The following OVGP1 variants were observed in gnomAD, a reference collection of about 807,000 sequenced individuals.
OVGP1 encodes the protein oviduct-specific glycoprotein.
OVGP1 carries 26 observed loss-of-function variants against 48.2 expected under a neutral mutation model. That is an observed-to-expected ratio of 0.54 (90% CI 0.40 to 0.75). OVGP1 has a LOEUF of 0.75. Ranked by LOEUF, OVGP1 falls within the 30% of genes least tolerant of loss-of-function variation. The pLI is 0.00. For missense variants in OVGP1, 791 were observed against 820.6 expected, an observed-to-expected ratio of 0.96 and a Z score of 0.44; for synonymous variants, 294 against 305.7, an observed-to-expected ratio of 0.96 and a Z score of 0.40.
chr1:111,425,233 T>C lies in OVGP1; in HGVS notation c.317+150A>G. The C allele has an allele frequency of 2.4e-6, 2 of 821,380 alleles. 1 individual carries two copies. The highest frequency in any genetic ancestry group is 3.8e-6 in the Non-Finnish European group (2 of 528,916). The allele number at this position is 821,380 out of a possible 1,614,324, so 50.9% of individuals were successfully genotyped here. The stretch of plus-strand genomic sequence containing the variant: ...CATGGAGAAGAGGCCAGGATATCCC[T>C]TGAGTGCAGGGGTCTAAGATTCATG... On this transcript the variant is annotated intron_variant, in intron 4 of 10. Transcript: ENST00000369732.
chr1:111,426,884 G>A, intron 2 of OVGP1, 178 bp downstream of exon 2: 1 of 1,547,624 alleles, frequency 6.5e-7, no homozygotes, highest in Non-Finnish European at 8.7e-7. Context: ...TCTGGACCAA[G>A]GCACACAGTC....
At chr1:111,427,662 G>A (rs967654108) in intron 1 of OVGP1, 35 bp downstream of exon 1, 1 of 1,611,410 alleles carries the variant, frequency 6.2e-7, no homozygotes, top group Non-Finnish European at 8.5e-7. Flanking sequence ...GCACTTCCTG[G>A]ACTGAGTGAC....
intron 4 of OVGP1, among the ~76,000 whole-genome samples, chr1:111,423,943 C>T (rs1652336556): frequency 6.6e-6 from 1 of 152,180 alleles, no homozygotes; most frequent in African/African-American, 2.4e-5. Context: ...ATGTACTGCC[C>T]CAAGGCCAGA....
chr1:111,427,560 T>C, intron 1 of OVGP1, 137 bp downstream of exon 1: 1 of 1,150,198 alleles, frequency 8.7e-7, no homozygotes, highest in Non-Finnish European at 1.3e-6. Context: ...GACCATTAAC[T>C]ATGGCCCATC....
At chr1:111,421,774 C>A in intron 6 of OVGP1, 101 bp from the exon 7 acceptor site, 1 of 727,804 alleles carries the variant, frequency 1.4e-6, no homozygotes, top group South Asian at 1.8e-5. Context: ...CATTGGTCAC[C>A]AGAGCTTCCC....
rs1557786003 is a variant in OVGP1 at position 111,427,689 on chromosome 1, ACACTCACCAACC to A, written c.21_25+7del. 5 of 1,613,130 alleles carry A rather than the reference ACACTCACCAACC, an allele frequency of 3.1e-6. No homozygotes were observed. Among genetic ancestry groups the A allele is most frequent in the South Asian group, 1.1e-5 (1 of 91,046 alleles). On this transcript the variant is annotated splice_donor_variant and splice_donor_5th_base_variant and coding_sequence_variant and intron_variant, in exon 1 of 11. Coordinates refer to ENST00000369732, the MANE Select transcript of OVGP1 (RefSeq NM_002557.4). LOFTEE classifies it high-confidence loss of function. ...CTGAGTGACACTGCTGGGACCTGCC[ACACTCACCAACC>A]CACAGCAACAGCTTCCACATCTCAA...
In OVGP1 at chr1:111,427,699, A is replaced by C. The variant is rs748437768; in HGVS notation, c.23T>G (p.Val8Gly). The change falls in exon 1 of 11, where the codon GTT (valine) becomes GGT (glycine). Residue 8 changes from valine to glycine, a missense_variant and splice_region_variant. Physicochemically the swap from Val to Gly is moderately radical, Grantham distance 109. Coordinates refer to ENST00000369732, the MANE Select transcript of OVGP1 (RefSeq NM_002557.4). ...CTGCTGGGACCTGCCACACTCACCA[A>C]CCCACAGCAACAGCTTCCACATCTC... MWKLLLW[V>G]GLVLVLKHHD... 6.2e-7 allele frequency: 1 copy of C among 1,612,958 alleles called. No homozygotes were observed. The highest frequency in any genetic ancestry group is 1.1e-5 in the South Asian group (1 of 91,022).
rs1557781450 is a variant in OVGP1 at position 111,415,109 on chromosome 1, A to C, written c.1392T>G (p.Thr464=). 6.2e-7 allele frequency: 1 copy of C among 1,614,070 alleles called. No individual in the cohort carries two copies. ...TKETVSLGKH[T]VALGEKTEIT... is the part of the protein sequence containing the mutation. ...TCTCAGTCTTCTCTCCTAGAGCTAC[A>C]GTGTGCTTTCCAAGGGATACAGTTT... Residue 464 remains threonine, a synonymous_variant, in exon 11 of 11, where the codon ACT becomes ACG. Coordinates refer to ENST00000369732, the MANE Select transcript of OVGP1 (RefSeq NM_002557.4).
chr1:111,427,632 TGAC>T, intron 1 of OVGP1, 62 bp downstream of exon 1: 1 of 1,581,350 alleles, frequency 6.3e-7, no homozygotes, highest in Admixed American at 1.7e-5. Context: ...ACCAGAGAGA[TGAC>T]GAACTCATAA....
intron 2 of OVGP1, 169 bp from the exon 3 acceptor site, chr1:111,426,810 C>CA (rs1557785681): frequency 6.5e-7 from 1 of 1,547,106 alleles, no homozygotes; most frequent in South Asian, 1.2e-5. Flanking sequence ...ATTCCTCCCC[C>CA]ACTGCTGAGG....
intron 6 of OVGP1, 119 bp downstream of exon 6, chr1:111,422,807 CT>C: frequency 8.5e-7 from 1 of 1,178,974 alleles, no homozygotes; most frequent in Non-Finnish European, 1.2e-6. Flanking sequence ...CAAACTTGCA[CT>C]GACGTCAGGG....
At chr1:111,425,544 G>A in intron 3 of OVGP1, 105 bp from the exon 4 acceptor site, 1 of 1,561,394 alleles carries the variant, frequency 6.4e-7, no homozygotes, top group Non-Finnish European at 8.7e-7. Flanking sequence ...GGAAACAGGA[G>A]AGATGGGAGG....
chr1:111,422,368 T>C (rs1652293166), intron 6 of OVGP1, among the ~76,000 whole-genome samples: 1 of 152,212 alleles, frequency 6.6e-6, no homozygotes, highest in Non-Finnish European at 1.5e-5. Flanking sequence ...TGCATCTGCC[T>C]CAGTTTCCTC....
Position 111,414,389 on chromosome 1 carries a change from G to A in OVGP1, c.*75C>T, listed in dbSNP as rs542861770. On this transcript the variant is annotated 3_prime_UTR_variant, in exon 11 of 11. Coordinates refer to ENST00000369732, the MANE Select transcript of OVGP1 (RefSeq NM_002557.4). The stretch of plus-strand genomic sequence containing the variant: ...CTGGTTTTGATGCCTGCTTTGCCCC[G>A]GGATGAGAAGGCTTCCAACATGTCA... The A allele has an allele frequency of 3.3e-5, 45 of 1,354,300 alleles. No homozygotes were observed. In the East Asian group the frequency reaches 7.9e-4, roughly 24 times the overall value. 83.9% of individuals were successfully genotyped at this position (1,354,300 alleles called of 1,614,324 possible). A position where few individuals can be genotyped will look rare whatever the true frequency, so the allele number is the denominator to read the frequency against.
chr1:111,426,194 A>G (rs1652392297), intron 3 of OVGP1, among the ~76,000 whole-genome samples: 1 of 152,226 alleles, frequency 6.6e-6, no homozygotes, highest in African/African-American at 2.4e-5. Flanking sequence ...TTTGCCAGGC[A>G]GAGAAGAGAG....
At chr1:111,423,756 C>T (rs368842584) in intron 4 of OVGP1, 48 bp from the exon 5 acceptor site, 1 of 1,571,098 alleles carries the variant, frequency 6.4e-7, no homozygotes, top group South Asian at 1.2e-5. Context: ...CACAGAATCA[C>T]AACCTCCTAC....
In OVGP1 at chr1:111,424,497, A is replaced by G. The variant is rs568287708; in HGVS notation, c.318-789T>C. 7.3e-4 allele frequency among the ~76,000 whole-genome samples: 111 copies of G among 152,266 alleles called. 2 individuals are homozygous for G. Among genetic ancestry groups the G allele is most frequent in the African/African-American group, 2.6e-3 (107 of 41,550 alleles). On this transcript the variant is annotated intron_variant, in intron 4 of 10. Coordinates refer to ENST00000369732, the MANE Select transcript of OVGP1 (RefSeq NM_002557.4). ...CAATCTCTGAGGAATACCTGTGACA[A>G]ATCTGGCAAGTTCCTTAATAACTGT...
chr1:111,423,082 C>G, intron 5 of OVGP1, 31 bp from the exon 6 acceptor site: 1 of 1,613,304 alleles, frequency 6.2e-7, no homozygotes, highest in South Asian at 1.1e-5. Flanking sequence ...ACACAGAGAA[C>G]TGGACAAACA....
At position 111,426,498 on chromosome 1, in the gene OVGP1, C is replaced by T. The variant is rs1446178381; in HGVS notation, c.199G>A (p.Val67Ile). 1 of 1,614,122 alleles carries T rather than the reference C, an allele frequency of 6.2e-7. No homozygotes were observed. Among genetic ancestry groups the T allele is most frequent in the Admixed American group, 1.7e-5 (1 of 60,020 alleles). Residue 67 changes from valine (V) to isoleucine (I), a missense_variant, in exon 3 of 11, where the codon GTT becomes ATT. Physicochemically the swap from Val to Ile is conservative, Grantham distance 29. Transcript: ENST00000369732. ...AFASMNNNQI[V>I]AKDLQDEKIL... The stretch of plus-strand genomic sequence containing the variant: ...TTCTCATCCTGGAGATCCTTAGCAA[C>T]AATCTGATTGTTGTTCATTGAGGCA...
Sources: gnomAD v4.1 joint callset for allele counts (sites outside exome capture counted in the v4.1 genomes callset) on GRCh38, gnomAD v4.1.1 for gene constraint, MANE v1.5 for transcripts, NCBI Gene and HGNC (gene_info 2026-07-23, HGNC 2026-07-21) for gene names.